Variants in LRRTM3 observed in about 807,000 individuals in gnomAD.
The protein encoded by LRRTM3 is leucine-rich repeat transmembrane neuronal protein 3.
A neutral mutation model predicts 44.7 loss-of-function variants in LRRTM3; 24 were observed. The observed-to-expected ratio is 0.54, with a 90% confidence interval of 0.39 to 0.76. The LOEUF is 0.76. Among genes scored for constraint, LRRTM3 ranks in the 30% least tolerant of loss-of-function variants. The pLI is 0.00. For missense variants in LRRTM3, 587 were observed against 702.2 expected (o/e 0.84, Z 1.85); for synonymous variants, 277 against 278.7 (o/e 0.99, Z 0.06).
intron 2 of LRRTM3, among the ~76,000 whole-genome samples, chr10:67,036,869 T>C (rs1439109861): frequency 6.6e-6 from 1 of 151,806 alleles, no homozygotes; most frequent in Non-Finnish European, 1.5e-5. Context: ...ATATAAAACA[T>C]TGGATAAAAA....
intron 2 of LRRTM3, among the ~76,000 whole-genome samples, chr10:67,091,992 C>G (rs560543827): frequency 1.3e-4 from 20 of 152,024 alleles, no homozygotes; most frequent in Middle Eastern, 3.4e-3. Context: ...ATAAACTCAA[C>G]TGAAAACCCC....
At chr10:67,033,390 T>C (rs572938225) in intron 2 of LRRTM3, among the ~76,000 whole-genome samples, 1 of 152,284 alleles carries the variant, frequency 6.6e-6, no homozygotes, top group South Asian at 2.1e-4. Context: ...TTCTCTCCCA[T>C]CAATTTTTGA....
At chr10:67,059,204 C>A (rs1855612905) in intron 2 of LRRTM3, among the ~76,000 whole-genome samples, 1 of 152,118 alleles carries the variant, frequency 6.6e-6, no homozygotes, top group Admixed American at 6.6e-5. Flanking sequence ...TCAAGTTGGT[C>A]ACATTATAAG....
chr10:67,024,588 T>C (rs1853236269), intron 2 of LRRTM3, among the ~76,000 whole-genome samples: 1 of 152,164 alleles, frequency 6.6e-6, no homozygotes, highest in Admixed American at 6.5e-5. Context: ...TGCTATAAAA[T>C]CATTTTCCTA....
chr10:66,934,830 A>G (rs1225089051), intron 2 of LRRTM3, among the ~76,000 whole-genome samples: 1 of 152,198 alleles, frequency 6.6e-6, no homozygotes, highest in Non-Finnish European at 1.5e-5. Context: ...TTGACATTTC[A>G]TCACATCAAT....
At chr10:67,000,784 G>A (rs1050252701) in intron 2 of LRRTM3, among the ~76,000 whole-genome samples, 8 of 152,052 alleles carry the variant, frequency 5.3e-5, no homozygotes, top group African/African-American at 1.4e-4. Context: ...TATGGGGAGC[G>A]CATTATGAAG....
In LRRTM3 at chr10:66,955,528, C is replaced by T. The variant is rs114371833; in HGVS notation, c.1536+27076C>T. 1.4e-3 allele frequency among the ~76,000 whole-genome samples: 218 copies of T among 152,260 alleles called. 1 individual carries two copies. The highest frequency in any genetic ancestry group is 4.8e-3 in the African/African-American group (199 of 41,550). ...AGAATTCAGGCACTTATCTGTTTGGCTCCAAAGCCTACATTAATTCCAGTT... is the reference window on the plus strand; with the variant it reads ...AGAATTCAGGCACTTATCTGTTTGGTTCCAAAGCCTACATTAATTCCAGTT... On this transcript the variant is annotated intron_variant, in intron 2 of 2. Transcript: ENST00000361320.
intron 2 of LRRTM3, among the ~76,000 whole-genome samples, chr10:67,050,672 C>G (rs1855034432): frequency 1.3e-5 from 2 of 152,184 alleles, no homozygotes; most frequent in Admixed American, 1.3e-4. Context: ...GGAATTTAAA[C>G]TACTTTTGTA....
chr10:67,072,808 T>C (rs1856540123), intron 2 of LRRTM3, among the ~76,000 whole-genome samples: 1 of 152,176 alleles, frequency 6.6e-6, no homozygotes, highest in Non-Finnish European at 1.5e-5. Flanking sequence ...AATGGTATGT[T>C]TGAGTTTGGT....
chr10:67,005,692 T>TTTTTTTTTTTTTTTTTTTTTTTTG (rs1851939697), intron 2 of LRRTM3, among the ~76,000 whole-genome samples: 1 of 123,098 alleles, frequency 8.1e-6, no homozygotes, highest in Non-Finnish European at 1.7e-5. Flanking sequence ...CTTTTTTTTT[T>TTTTTTTTTTTTTTTTTTTTTTTTG]TTTTTTTTTT....
chr10:67,065,396 A>G (rs1856014763), intron 2 of LRRTM3, among the ~76,000 whole-genome samples: 1 of 152,190 alleles, frequency 6.6e-6, no homozygotes, highest in Non-Finnish European at 1.5e-5. Flanking sequence ...AAGGGCATTG[A>G]TTATTTTCTC....
intron 2 of LRRTM3, among the ~76,000 whole-genome samples, chr10:67,016,300 G>A (rs987339786): frequency 2.6e-5 from 4 of 152,186 alleles, no homozygotes; most frequent in Non-Finnish European, 5.9e-5. Flanking sequence ...CACTATTTCA[G>A]CTTACGAACT....
rs903584524 is a variant in LRRTM3 at position 66,926,074 on chromosome 10, G to A, written c.-510G>A. 2.2e-6 allele frequency: 1 copy of A among 457,582 alleles called. No homozygotes were observed. The highest frequency in any genetic ancestry group is 4.4e-6 in the Non-Finnish European group (1 of 227,606). The allele number at this position is 457,582 out of a possible 1,614,324, so 28.3% of individuals were successfully genotyped here. ...GCTTTCAGAATGACAGTCTGCAGAA[G>A]TGAGCTGAGCGTGTGCGCGGTACGG... On this transcript the variant is annotated 5_prime_UTR_variant, in exon 1 of 3. In the 5' UTR this introduces an upstream ATG that the reference lacks. Coordinates refer to ENST00000361320, the MANE Select transcript of LRRTM3 (RefSeq NM_178011.5).
intron 2 of LRRTM3, among the ~76,000 whole-genome samples, chr10:67,055,628 A>G (rs909307802): frequency 3.3e-5 from 5 of 152,208 alleles, no homozygotes; most frequent in African/African-American, 9.6e-5. Context: ...AAGGCAGACA[A>G]TGCTTCAGAA....
chr10:67,082,123 A>G lies in LRRTM3; in HGVS notation c.1537-15464A>G, dbSNP rs374011765. On this transcript the variant is annotated intron_variant, in intron 2 of 2. Coordinates refer to ENST00000361320, the MANE Select transcript of LRRTM3 (RefSeq NM_178011.5). Reference sequence around the variant, plus strand: ...AGAACCAATTTTCTTTCAATGCTATAGAGAGGATTTTTTAAAATTAAAAAA... The same window carrying G: ...AGAACCAATTTTCTTTCAATGCTATGGAGAGGATTTTTTAAAATTAAAAAA... Among the ~76,000 whole-genome samples the G allele has an allele frequency of 1.2e-4, 19 of 152,342 alleles. No individual in the cohort carries two copies. The East Asian group carries it at 3.1e-3, about 25-fold the overall frequency.
intron 2 of LRRTM3, among the ~76,000 whole-genome samples, chr10:66,977,870 T>G (rs748607546): frequency 6.6e-6 from 1 of 152,204 alleles, no homozygotes; most frequent in South Asian, 2.1e-4. Context: ...GTGCTTTCAT[T>G]TGGAAACAAT....
intron 2 of LRRTM3, among the ~76,000 whole-genome samples, chr10:66,938,847 T>G (rs1404736506): frequency 1.3e-5 from 2 of 152,176 alleles, no homozygotes; most frequent in African/African-American, 4.8e-5. Context: ...AATATTTAAG[T>G]CTAGCTGCGA....
intron 2 of LRRTM3, among the ~76,000 whole-genome samples, chr10:67,043,715 T>C (rs1179365091): frequency 6.6e-6 from 1 of 152,154 alleles, no homozygotes; most frequent in African/African-American, 2.4e-5. Context: ...CATCCATCTT[T>C]ATATGTCTTT....
chr10:66,951,661 G>C (rs1216324991), intron 2 of LRRTM3, among the ~76,000 whole-genome samples: 1 of 152,104 alleles, frequency 6.6e-6, no homozygotes, highest in Admixed American at 6.5e-5. Flanking sequence ...ATTGGCTTTT[G>C]TTCCTCTCCA....
Sources: gnomAD v4.1 joint callset for allele counts (sites outside exome capture counted in the v4.1 genomes callset) on GRCh38, gnomAD v4.1.1 for gene constraint, MANE v1.5 for transcripts, NCBI Gene and HGNC (gene_info 2026-07-23, HGNC 2026-07-21) for gene names.